The following TMEM182 variants were observed in gnomAD, a reference collection of about 807,000 sequenced individuals.
The protein encoded by TMEM182 is transmembrane protein 182.
Under a neutral mutation model 26.8 loss-of-function variants are expected in TMEM182, and 20 were observed. That is an observed-to-expected ratio of 0.75 (90% CI 0.53 to 1.09). The LOEUF (loss-of-function observed/expected upper bound fraction) is 1.09, where lower values mean the gene tolerates loss of function less well. Among genes scored for constraint, TMEM182 ranks in the 50% least tolerant of loss-of-function variants. TMEM182 has a pLI of 0.00. For missense variants in TMEM182, 277 were observed against 275.5 expected (o/e 1.01, Z -0.04); for synonymous variants, 109 against 102.2 (o/e 1.07, Z -0.40).
At chr2:102,842,104 C>A (rs1298431177) in intron 3 of TMEM182, among the ~76,000 whole-genome samples, 3 of 152,026 alleles carry the variant, frequency 2.0e-5, no homozygotes, top group Non-Finnish European at 4.4e-5. Flanking sequence ...TAAAGTATAA[C>A]CTCTAGGAGG....
At chr2:102,775,055 C>T (rs1680851724) in intron 3 of TMEM182, 1 of 152,056 alleles carries the variant, frequency 6.6e-6, no homozygotes, top group South Asian at 2.1e-4. Flanking sequence ...ATTAAACCCA[C>T]CTGGGGAGAA....
chr2:102,762,984 G>A (rs1680278774), intron 2 of TMEM182, among the ~76,000 whole-genome samples: 1 of 152,074 alleles, frequency 6.6e-6, no homozygotes. Context: ...GACAGGTATT[G>A]TCTATAGCAT....
At chr2:102,764,941 A>T (rs1680367486) in intron 3 of TMEM182, among the ~76,000 whole-genome samples, 1 of 152,020 alleles carries the variant, frequency 6.6e-6, no homozygotes, top group African/African-American at 2.4e-5. Flanking sequence ...ACAGACAGAC[A>T]GATATCATTA....
intron 1 of TMEM182, among the ~76,000 whole-genome samples, chr2:102,743,885 T>C (rs1001064965): frequency 4.6e-5 from 7 of 152,168 alleles, no homozygotes; most frequent in South Asian, 2.1e-4. Flanking sequence ...TGCATAACGA[T>C]GAAAGGGTCA....
At chr2:102,752,107 G>T (rs1342873068) in intron 1 of TMEM182, among the ~76,000 whole-genome samples, 1 of 152,196 alleles carries the variant, frequency 6.6e-6, no homozygotes, top group Admixed American at 6.5e-5. Context: ...TAGAGGGACA[G>T]GATTTAGTCC....
At chr2:102,798,452 A>T (rs941637455) in intron 4 of TMEM182, among the ~76,000 whole-genome samples, 1 of 152,208 alleles carries the variant, frequency 6.6e-6, no homozygotes, top group African/African-American at 2.4e-5. Context: ...CTCTTCAAAG[A>T]TAGCCCTGTG....
intron 1 of TMEM182, among the ~76,000 whole-genome samples, chr2:102,739,435 C>T (rs1223216254): frequency 6.6e-6 from 1 of 152,124 alleles, no homozygotes; most frequent in Non-Finnish European, 1.5e-5. Context: ...GAATTGTAGT[C>T]CCCAGTGTTG....
intron 3 of TMEM182, among the ~76,000 whole-genome samples, chr2:102,769,903 T>C (rs1280951399): frequency 6.6e-6 from 1 of 152,150 alleles, no homozygotes; most frequent in African/African-American, 2.4e-5. Flanking sequence ...TTTACTTTGG[T>C]TTGGACGTAT....
At chr2:102,808,827 A>G (rs1682442790) in intron 4 of TMEM182, among the ~76,000 whole-genome samples, 1 of 152,198 alleles carries the variant, frequency 6.6e-6, no homozygotes, top group Non-Finnish European at 1.5e-5. Flanking sequence ...AACATTCCCA[A>G]ACAAAAGACT....
chr2:102,748,456 A>G (rs909871977), intron 1 of TMEM182, among the ~76,000 whole-genome samples: 1 of 152,246 alleles, frequency 6.6e-6, no homozygotes, highest in African/African-American at 2.4e-5. Flanking sequence ...TCGGGTTAGA[A>G]TGAGAAAAGG....
At chr2:102,738,148 A>G (rs1209311810) in intron 1 of TMEM182, among the ~76,000 whole-genome samples, 3 of 152,202 alleles carry the variant, frequency 2.0e-5, no homozygotes, top group African/African-American at 7.2e-5. Flanking sequence ...TGAGTAACTC[A>G]TCTGGGAAAG....
At chr2:102,796,711 A>C (rs1436941327) in intron 3 of TMEM182, among the ~76,000 whole-genome samples, 2 of 152,182 alleles carry the variant, frequency 1.3e-5, no homozygotes, top group Non-Finnish European at 2.9e-5. Context: ...GTGAAAGCCT[A>C]TCATGTATTC....
intron 3 of TMEM182, among the ~76,000 whole-genome samples, chr2:102,779,355 A>G (rs1681060833): frequency 6.6e-6 from 1 of 151,956 alleles, no homozygotes; most frequent in African/African-American, 2.4e-5. Context: ...AATACTTTAG[A>G]TTTATGTCTT....
intron 3 of TMEM182, among the ~76,000 whole-genome samples, chr2:102,842,467 T>C (rs1046864104): frequency 1.3e-5 from 2 of 152,180 alleles, no homozygotes; most frequent in Non-Finnish European, 2.9e-5. Context: ...TCCTACCTCA[T>C]TGGCTTCTGG....
At chr2:102,746,264 T>C (rs1679692766) in intron 1 of TMEM182, among the ~76,000 whole-genome samples, 1 of 151,880 alleles carries the variant, frequency 6.6e-6, no homozygotes, top group Non-Finnish European at 1.5e-5. Context: ...GTAGATAATT[T>C]TCCTGTTTTT....
At chr2:102,745,474 C>T (rs895686709) in intron 1 of TMEM182, among the ~76,000 whole-genome samples, 1 of 152,100 alleles carries the variant, frequency 6.6e-6, no homozygotes, top group African/African-American at 2.4e-5. Flanking sequence ...CTCTTTCCAA[C>T]ATTATTAAGA....
intron 3 of TMEM182, among the ~76,000 whole-genome samples, chr2:102,833,388 T>A (rs1275982964): frequency 6.6e-6 from 1 of 152,180 alleles, no homozygotes; most frequent in African/African-American, 2.4e-5. Flanking sequence ...GAATTGTGCA[T>A]GGGGACTAGA....
At chr2:102,779,991 G>T (rs969029964) in intron 3 of TMEM182, among the ~76,000 whole-genome samples, 2 of 151,572 alleles carry the variant, frequency 1.3e-5, no homozygotes, top group East Asian at 1.9e-4. Flanking sequence ...CAATAAGAGT[G>T]AAACTCTGTC....
intron 1 of TMEM182, among the ~76,000 whole-genome samples, chr2:102,745,849 C>T (rs1679679007): frequency 6.6e-6 from 1 of 152,110 alleles, no homozygotes. Context: ...TTTATATATT[C>T]ATCAGTTGAT....
Sources: gnomAD v4.1 joint callset for allele counts (sites outside exome capture counted in the v4.1 genomes callset) on GRCh38, gnomAD v4.1.1 for gene constraint, MANE v1.5 for transcripts, NCBI Gene and HGNC (gene_info 2026-07-23, HGNC 2026-07-21) for gene names.